Variants in PRKAR1B observed in about 807,000 individuals in gnomAD.
The protein encoded by PRKAR1B is protein kinase cAMP-dependent type I regulatory subunit beta, also known as cAMP-dependent protein kinase type I-beta regulatory subunit.
PRKAR1B carries 22 observed loss-of-function variants against 46.5 expected under a neutral mutation model. The observed-to-expected ratio is 0.47, with a 90% CI of 0.34 to 0.68. The LOEUF is 0.68. Ranked by LOEUF, PRKAR1B falls within the 30% of genes least tolerant of loss-of-function variation. PRKAR1B has a pLI of 0.01. For synonymous variants in PRKAR1B, 259 were observed against 217.7 expected, an observed-to-expected ratio of 1.19 and a Z score of -1.67; for missense variants, 445 against 535.6, an observed-to-expected ratio of 0.83 and a Z score of 1.67.
intron 9 of PRKAR1B, among the ~76,000 whole-genome samples, chr7:552,994 C>T (rs1209821594): frequency 6.6e-6 from 1 of 152,248 alleles, no homozygotes; most frequent in African/African-American, 2.4e-5. Context: ...CGCCGCAGCA[C>T]GTGCTACGCA....
chr7:578,964 G>T (rs941434328), intron 9 of PRKAR1B: 1 of 1,185,030 alleles, frequency 8.4e-7, no homozygotes, highest in East Asian at 4.9e-5. Context: ...TGACAGGCGT[G>T]AGCCGCCGCG....
Position 593,167 on chromosome 7 carries a change from G to A in PRKAR1B, c.708+2979C>T, listed in dbSNP as rs1426701259. On this transcript the variant is annotated intron_variant, in intron 7 of 10. Transcript: ENST00000537384. The surrounding 1 kb of genome is among the most constrained non-coding windows in gnomAD (Gnocchi z 6.1). ...TTCCTCGGATAAAACGTGAAGCGGTGGAGGAAAGAGACGGGCATCAGGGAG... is the reference window on the plus strand; with the variant it reads ...TTCCTCGGATAAAACGTGAAGCGGTAGAGGAAAGAGACGGGCATCAGGGAG... Among the ~76,000 whole-genome samples, 2 of 152,240 alleles carry A rather than the reference G, an allele frequency of 1.3e-5. No homozygotes were observed. The highest frequency in any genetic ancestry group is 1.9e-4 in the East Asian group (1 of 5,196).
At chr7:618,439 G>A (rs1416104451) in intron 4 of PRKAR1B, among the ~76,000 whole-genome samples, 1 of 152,050 alleles carries the variant, frequency 6.6e-6, no homozygotes, top group Non-Finnish European at 1.5e-5. Context: ...GATACTTGAG[G>A]TCTCCCCTCT....
chr7:568,874 C>T (rs957408453), intron 9 of PRKAR1B, among the ~76,000 whole-genome samples: 22 of 152,024 alleles, frequency 1.4e-4, no homozygotes, highest in Admixed American at 5.9e-4. Context: ...GCCTGCGCGG[C>T]GGTGCCCCGA....
At chr7:704,437 T>C (rs577171104) in intron 2 of PRKAR1B, among the ~76,000 whole-genome samples, 3 of 150,522 alleles carry the variant, frequency 2.0e-5, no homozygotes, top group South Asian at 2.2e-4. Context: ...TTACTCTATA[T>C]TGATAAATGT....
chr7:610,375 A>G (rs749294403), intron 4 of PRKAR1B, among the ~76,000 whole-genome samples: 1 of 152,146 alleles, frequency 6.6e-6, no homozygotes, highest in Non-Finnish European at 1.5e-5. Context: ...CCCCGCTCAG[A>G]GCAGCCCCTC....
chr7:563,704 G>T (rs1474919333), intron 9 of PRKAR1B, among the ~76,000 whole-genome samples: 2 of 151,998 alleles, frequency 1.3e-5, no homozygotes, highest in African/African-American at 4.8e-5. Context: ...TGTGCGGTGT[G>T]TGCATGTGTG....
At position 549,470 on chromosome 7, in the gene PRKAR1B, A is replaced by C. The variant is rs1213394682; in HGVS notation, c.*960T>G. Reference sequence around the variant, plus strand: ...CCTCGCTTGTCTTTCGGGGGAACCCAGGAATCCCCTGGGAAGCTTCTCTGC... The same window carrying C: ...CCTCGCTTGTCTTTCGGGGGAACCCCGGAATCCCCTGGGAAGCTTCTCTGC... On this transcript the variant is annotated 3_prime_UTR_variant, in exon 11 of 11. Transcript: ENST00000537384. 2 of 152,398 alleles carry C rather than the reference A, an allele frequency of 1.3e-5. No homozygotes were observed. Among genetic ancestry groups the C allele is most frequent in the African/African-American group, 4.8e-5 (2 of 41,464 alleles). The allele number at this position is 152,398 out of a possible 1,614,324, so 9.4% of individuals were successfully genotyped here. A position where few individuals can be genotyped will look rare whatever the true frequency, so the allele number is the denominator to read the frequency against.
At chr7:629,268 G>A (rs902443701) in intron 4 of PRKAR1B, among the ~76,000 whole-genome samples, 2 of 152,132 alleles carry the variant, frequency 1.3e-5, no homozygotes, top group African/African-American at 2.4e-5. Context: ...CTGCAGGAGC[G>A]GGGCCACAGC....
At chr7:572,556 G>A (rs1304709138) in intron 9 of PRKAR1B, among the ~76,000 whole-genome samples, 1 of 152,186 alleles carries the variant, frequency 6.6e-6, no homozygotes, top group South Asian at 2.1e-4. Context: ...TCACAGGTGT[G>A]AGCAGGGGCT....
chr7:721,172 C>A (rs1437506370), intron 1 of PRKAR1B, among the ~76,000 whole-genome samples: 2 of 152,170 alleles, frequency 1.3e-5, no homozygotes, highest in Non-Finnish European at 2.9e-5. Context: ...CTGTTAAATA[C>A]CTAGCTGTAG....
At position 580,617 on chromosome 7, in the gene PRKAR1B, C is replaced by T. The variant is rs550711855; in HGVS notation, c.770-1240G>A. On this transcript the variant is annotated intron_variant, in intron 8 of 10. Transcript: ENST00000537384. ...GCTTGCAAACTCAATGTTATCTTTC[C>T]GCCCTTCTCACAAGGTCTTCCCTTC... Among the ~76,000 whole-genome samples the T allele has an allele frequency of 5.3e-5, 8 of 152,156 alleles. No individual in the cohort carries two copies. The South Asian group carries it at 1.2e-3, about 24-fold the overall frequency.
chr7:700,734 C>T (rs1780012073), intron 2 of PRKAR1B, among the ~76,000 whole-genome samples: 1 of 151,024 alleles, frequency 6.6e-6, no homozygotes, highest in African/African-American at 2.4e-5. Flanking sequence ...GGAGGAACTA[C>T]CAAATAAATT....
At chr7:652,638 C>T (rs960467275) in intron 4 of PRKAR1B, among the ~76,000 whole-genome samples, 2 of 152,234 alleles carry the variant, frequency 1.3e-5, no homozygotes, top group African/African-American at 4.8e-5. Context: ...GAGGTTCTGC[C>T]CTAGGGACTG....
intron 4 of PRKAR1B, among the ~76,000 whole-genome samples, chr7:612,414 G>A (rs1232470603): frequency 6.6e-6 from 1 of 151,768 alleles, no homozygotes; most frequent in Non-Finnish European, 1.5e-5. Flanking sequence ...GGATGGACAG[G>A]TGGGTGGATG....
intron 2 of PRKAR1B, among the ~76,000 whole-genome samples, chr7:690,573 A>C (rs939431981): frequency 1.3e-5 from 2 of 152,226 alleles, no homozygotes; most frequent in African/African-American, 2.4e-5. Context: ...ATGTTGCTGT[A>C]ATGTTAACAC....
intron 9 of PRKAR1B, among the ~76,000 whole-genome samples, chr7:566,170 T>TCACCATCACCACCAC (rs1779114283): frequency 7.0e-6 from 1 of 141,896 alleles, no homozygotes; most frequent in Admixed American, 6.9e-5. Flanking sequence ...ATCATCACTA[T>TCACCATCACCACCAC]CACCATCATC....
chr7:641,153 C>T (rs1243061127), intron 4 of PRKAR1B, among the ~76,000 whole-genome samples: 1 of 152,064 alleles, frequency 6.6e-6, no homozygotes, highest in Non-Finnish European at 1.5e-5. Flanking sequence ...GGCGTTTCAC[C>T]GTGTTGGCCA....
Position 657,237 on chromosome 7 carries a change from AT to A in PRKAR1B, c.440+19991del, listed in dbSNP as rs1785252969. ...CATGAGTGAATGTGTGCATGGATGG[AT>A]AAATGAATGGATGGATGAATGGACG... is the stretch of plus-strand genomic sequence containing the variant. On this transcript the variant is annotated intron_variant, in intron 4 of 10. Coordinates refer to ENST00000537384, the MANE Select transcript of PRKAR1B (RefSeq NM_001164760.2). 2.6e-5 allele frequency among the ~76,000 whole-genome samples: 4 copies of A among 150,994 alleles called. 1 individual carries two copies. Among genetic ancestry groups the A allele is most frequent in the African/African-American group, 9.8e-5 (4 of 40,944 alleles).
Sources: allele counts gnomAD v4.1 joint callset (sites outside exome capture counted in the v4.1 genomes callset), GRCh38; gene constraint gnomAD v4.1.1; non-coding constraint Gnocchi (gnomAD v3.1); transcripts MANE v1.5; gene names NCBI Gene and HGNC (gene_info 2026-07-23, HGNC 2026-07-21).